Variants in ANKS1B observed in about 807,000 individuals in gnomAD.
ANKS1B encodes the protein ankyrin repeat and sterile alpha motif domain containing 1B, also known as ankyrin repeat and sterile alpha motif domain-containing protein 1B.
Under a neutral mutation model 148.3 loss-of-function variants are expected in ANKS1B, and 36 were observed. That is an observed-to-expected ratio of 0.24 (90% CI 0.19 to 0.32). ANKS1B has a LOEUF of 0.32. Among genes scored for constraint, ANKS1B ranks in the 10% least tolerant of loss-of-function variants. The probability of loss-of-function intolerance (pLI) is 1.00; values close to 1 mark genes in which losing one functional copy is unlikely to be tolerated. For synonymous variants in ANKS1B, 542 were observed against 560.8 expected, an observed-to-expected ratio of 0.97 and a Z score of 0.47; for missense variants, 1,157 against 1,542.6, an observed-to-expected ratio of 0.75 and a Z score of 4.19.
At chr12:98,865,882 C>T (rs1486382112) in intron 17 of ANKS1B, among the ~76,000 whole-genome samples, 1 of 152,150 alleles carries the variant, frequency 6.6e-6, no homozygotes, top group Non-Finnish European at 1.5e-5. Flanking sequence ...ATTTATTTCT[C>T]ACAGTTCTGG....
At chr12:98,875,122 T>C (rs1479446579) in intron 17 of ANKS1B, among the ~76,000 whole-genome samples, 1 of 152,228 alleles carries the variant, frequency 6.6e-6, no homozygotes, top group African/African-American at 2.4e-5. Context: ...CTCTTATTCA[T>C]CTCCACTGAA....
intron 16 of ANKS1B, among the ~76,000 whole-genome samples, chr12:99,084,282 A>G (rs1218897784): frequency 2.0e-5 from 3 of 152,244 alleles, no homozygotes; most frequent in Admixed American, 2.0e-4. Flanking sequence ...CCCACCCAAT[A>G]TGAATCTAGT....
rs763384647 is a variant in ANKS1B at position 98,851,588 on chromosome 12, G to C, written c.2779-19452C>G. On this transcript the variant is annotated intron_variant, in intron 17 of 26. Transcript: ENST00000683438. The stretch of plus-strand genomic sequence containing the variant: ...TATGAAGGTGGGTCAGAGCCAGATT[G>C]TTAAGAGCCTTCAAAAGGAATTTGG... 5.9e-5 allele frequency among the ~76,000 whole-genome samples: 9 copies of C among 152,290 alleles called. 1 individual carries two copies. The highest frequency in any genetic ancestry group is 1.9e-4 in the East Asian group (1 of 5,190).
intron 1 of ANKS1B, among the ~76,000 whole-genome samples, chr12:99,959,135 A>G (rs2095368751): frequency 6.9e-6 from 1 of 145,532 alleles, no homozygotes. Flanking sequence ...ATCTTGGCTC[A>G]CTGCAATCTC....
chr12:99,849,996 T>G (rs1298415597), intron 1 of ANKS1B, among the ~76,000 whole-genome samples: 1 of 152,124 alleles, frequency 6.6e-6, no homozygotes, highest in Admixed American at 6.5e-5. Flanking sequence ...TAAGTCTTAA[T>G]AGCTGGAATG....
chr12:99,491,374 T>C (rs966336152), intron 10 of ANKS1B, among the ~76,000 whole-genome samples: 1 of 152,172 alleles, frequency 6.6e-6, no homozygotes, highest in Admixed American at 6.5e-5. Flanking sequence ...AGAGCTATAA[T>C]GATATTGCCT....
intron 9 of ANKS1B, among the ~76,000 whole-genome samples, chr12:99,571,538 G>C (rs978232023): frequency 6.6e-6 from 1 of 152,028 alleles, no homozygotes; most frequent in Non-Finnish European, 1.5e-5. Flanking sequence ...AGAAAACCCA[G>C]AAGGCCTAAA....
intron 11 of ANKS1B, among the ~76,000 whole-genome samples, chr12:99,439,478 A>G (rs2095514218): frequency 6.6e-6 from 1 of 151,684 alleles, no homozygotes; most frequent in South Asian, 2.1e-4. Context: ...ACAAAGCTGA[A>G]CACCCCTAAA....
At chr12:99,028,002 T>A (rs2099949762) in intron 17 of ANKS1B, among the ~76,000 whole-genome samples, 1 of 152,232 alleles carries the variant, frequency 6.6e-6, no homozygotes, top group Non-Finnish European at 1.5e-5. Flanking sequence ...AGGAACAAGT[T>A]GTTAACCTTT....
intron 4 of ANKS1B, among the ~76,000 whole-genome samples, chr12:99,801,392 AAAG>A (rs1164662334): frequency 1.3e-5 from 2 of 152,210 alleles, no homozygotes; most frequent in African/African-American, 4.8e-5. Flanking sequence ...ACGGTGGTTC[AAAG>A]AAGAGACAGA....
intron 9 of ANKS1B, among the ~76,000 whole-genome samples, chr12:99,566,278 G>C (rs975085400): frequency 6.6e-6 from 1 of 152,124 alleles, no homozygotes; most frequent in Non-Finnish European, 1.5e-5. Context: ...TCAATACTTT[G>C]CTTGAAATCT....
At chr12:99,323,613 C>A (rs944268829) in intron 12 of ANKS1B, among the ~76,000 whole-genome samples, 3 of 152,196 alleles carry the variant, frequency 2.0e-5, no homozygotes, top group Admixed American at 6.5e-5. Flanking sequence ...CTATCACTTG[C>A]CTTATTTGTC....
chr12:98,735,126 A>T (rs2097767592), exon 10 of ANKS1B: 2 of 398,672 alleles, frequency 5.0e-6, no homozygotes, highest in Non-Finnish European at 8.8e-6. Context: ...AAGAAAGAAG[A>T]GATACCTAGT....
intron 9 of ANKS1B, among the ~76,000 whole-genome samples, chr12:99,614,971 A>G (rs1379234092): frequency 6.6e-6 from 1 of 152,124 alleles, no homozygotes; most frequent in Non-Finnish European, 1.5e-5. Context: ...AGGATCTCCA[A>G]TGAAAGGGGA....
intron 9 of ANKS1B, among the ~76,000 whole-genome samples, chr12:99,607,997 C>T (rs977103340): frequency 1.3e-5 from 2 of 151,930 alleles, no homozygotes; most frequent in African/African-American, 4.8e-5. Context: ...ATAAATGAGC[C>T]TAGGCAAAAA....
intron 9 of ANKS1B, among the ~76,000 whole-genome samples, chr12:99,590,481 T>C (rs1343738503): frequency 6.6e-6 from 1 of 152,194 alleles, no homozygotes; most frequent in South Asian, 2.1e-4. Flanking sequence ...ATTTCTCATG[T>C]CTGTCCCTTG....
intron 10 of ANKS1B, among the ~76,000 whole-genome samples, chr12:99,496,345 C>T (rs2096604233): frequency 6.6e-6 from 1 of 152,164 alleles, no homozygotes; most frequent in African/African-American, 2.4e-5. Context: ...CAGCCATTTT[C>T]TTTTAAACAT....
intron 1 of ANKS1B, among the ~76,000 whole-genome samples, chr12:99,867,237 A>G (rs1565890955): frequency 6.6e-6 from 1 of 152,178 alleles, no homozygotes; most frequent in Admixed American, 6.5e-5. Flanking sequence ...TAGAGCCATT[A>G]TGGCCTTACA....
At chr12:99,266,738 G>A (rs1466581498) in intron 12 of ANKS1B, among the ~76,000 whole-genome samples, 1 of 152,050 alleles carries the variant, frequency 6.6e-6, no homozygotes, top group East Asian at 1.9e-4. Flanking sequence ...ATTAATCTCT[G>A]GTAATTTTAA....
Sources: allele counts gnomAD v4.1 joint callset (sites outside exome capture counted in the v4.1 genomes callset), GRCh38; gene constraint gnomAD v4.1.1; transcripts MANE v1.5; gene names NCBI Gene and HGNC (gene_info 2026-07-23, HGNC 2026-07-21).